ANKRD45: variants seen among roughly 807,000 people sequenced by gnomAD.
The protein encoded by ANKRD45 is ankyrin repeat domain-containing protein 45.
Under a neutral mutation model 28.1 loss-of-function variants are expected in ANKRD45, and 21 were observed. The ratio of observed to expected loss-of-function variants is 0.75; its 90% CI spans 0.53 to 1.08. The LOEUF is 1.08. Among genes scored for constraint, ANKRD45 ranks in the 50% least tolerant of loss-of-function variants. The pLI is 0.00. For synonymous variants in ANKRD45, 86 were observed against 103.9 expected (o/e 0.83, Z 1.05); for missense variants, 261 against 308.7 (o/e 0.85, Z 1.16).
the ANKRD45 span, among the ~76,000 whole-genome samples, chr1:173,712,834 AT>A: frequency 6.6e-6 from 1 of 152,228 alleles, no homozygotes; most frequent in Non-Finnish European, 1.5e-5. Flanking sequence ...AAATTTTACC[AT>A]GCACTATAAT....
the ANKRD45 span, among the ~76,000 whole-genome samples, chr1:173,708,292 T>C: frequency 3.9e-5 from 6 of 152,242 alleles, no homozygotes; most frequent in African/African-American, 1.2e-4. Context: ...TTAAGACATA[T>C]GGCTTTTGGG....
the ANKRD45 span, among the ~76,000 whole-genome samples, chr1:173,698,812 C>T: frequency 6.6e-6 from 1 of 151,346 alleles, no homozygotes; most frequent in Non-Finnish European, 1.5e-5. Flanking sequence ...CAAGAAATAA[C>T]TAAGGTCAGA....
rs1553264012 is a variant in ANKRD45, at chr1:173,612,303, A to AAGAAG, written c.731-2089_731-2088insCTTCT. ...AGGAAGGAAAGAAGGAAAGAAGGAA[A>AAGAAG]GAAGGAAGGAAGGAAAGAAGGAAGG... On this transcript the variant is annotated intron_variant, in intron 5 of 5. Transcript: ENST00000333279. Among the ~76,000 whole-genome samples the AAGAAG allele has an allele frequency of 5.9e-4, 67 of 114,462 alleles. 1 individual carries two copies. Among genetic ancestry groups the AAGAAG allele is most frequent in the African/African-American group, 2.3e-3 (58 of 25,342 alleles). 75.1% of individuals were successfully genotyped at this position (114,462 alleles called of 152,430 possible).
At chr1:173,613,364 C>T (rs1437739438) in intron 5 of ANKRD45, among the ~76,000 whole-genome samples, 5 of 151,988 alleles carry the variant, frequency 3.3e-5, no homozygotes, top group Non-Finnish European at 5.9e-5. Context: ...GCAGCCGCCC[C>T]GTCTGAGAAG....
intron 5 of ANKRD45, among the ~76,000 whole-genome samples, chr1:173,611,796 C>A (rs1033723991): frequency 3.9e-5 from 6 of 152,008 alleles, no homozygotes; most frequent in African/African-American, 1.4e-4. Flanking sequence ...TGAACTCAAT[C>A]CAAATAAAGT....
At chr1:173,615,159 G>A (rs757627715) in intron 5 of ANKRD45, among the ~76,000 whole-genome samples, 3 of 152,088 alleles carry the variant, frequency 2.0e-5, no homozygotes, top group East Asian at 1.9e-4. Flanking sequence ...GACCGGGCGC[G>A]GTGGCTCACA....
At chr1:173,671,550 C>T (rs980586198), upstream of ANKRD45, among the ~76,000 whole-genome samples, 7 of 151,990 alleles carry the variant, frequency 4.6e-5, no homozygotes, top group African/African-American at 1.2e-4. Flanking sequence ...GGAGAAGGGA[C>T]GCAAGACCCT....
At chr1:173,690,569 T>G in the ANKRD45 span, among the ~76,000 whole-genome samples, 1 of 152,206 alleles carries the variant, frequency 6.6e-6, no homozygotes, top group Admixed American at 6.5e-5. Context: ...GATTAGAAAC[T>G]GACACATTAC....
At chr1:173,710,348 A>G in the ANKRD45 span, among the ~76,000 whole-genome samples, 1 of 152,204 alleles carries the variant, frequency 6.6e-6, no homozygotes, top group Non-Finnish European at 1.5e-5. Flanking sequence ...CAAGTTTTAG[A>G]GCAGGAGTCA....
intron 3 of ANKRD45, among the ~76,000 whole-genome samples, chr1:173,643,298 C>G (rs1048802419): frequency 1.3e-5 from 2 of 151,460 alleles, no homozygotes; most frequent in Non-Finnish European, 2.9e-5. Context: ...CTCAGCCTCC[C>G]GAGTAGTTAG....
At chr1:173,697,451 G>A in the ANKRD45 span, among the ~76,000 whole-genome samples, 2 of 152,190 alleles carry the variant, frequency 1.3e-5, no homozygotes, top group Admixed American at 6.5e-5. Flanking sequence ...AGCCCATCAG[G>A]CTAACAGCGG....
At chr1:173,643,673 C>T (rs1221293806) in intron 3 of ANKRD45, among the ~76,000 whole-genome samples, 2 of 151,438 alleles carry the variant, frequency 1.3e-5, no homozygotes, top group African/African-American at 4.9e-5. Context: ...CTATGGTTAC[C>T]GTATTTTTCA....
At chr1:173,633,495 C>A (rs1220094826) in intron 3 of ANKRD45, among the ~76,000 whole-genome samples, 1 of 151,884 alleles carries the variant, frequency 6.6e-6, no homozygotes, top group Admixed American at 6.6e-5. Flanking sequence ...AAAAACAATA[C>A]TAAAATTTTT....
At chr1:173,637,590 C>G (rs1233931685) in intron 3 of ANKRD45, among the ~76,000 whole-genome samples, 1 of 152,144 alleles carries the variant, frequency 6.6e-6, no homozygotes, top group East Asian at 1.9e-4. Flanking sequence ...TTGGGAAGTT[C>G]TAAGTTGCTA....
intron 5 of ANKRD45, among the ~76,000 whole-genome samples, chr1:173,618,890 G>C (rs1667584728): frequency 6.6e-6 from 1 of 152,174 alleles, no homozygotes. Context: ...GCCAGACTGA[G>C]AGGCCACATC....
At chr1:173,665,920 G>A (rs1350441638) in intron 1 of ANKRD45, among the ~76,000 whole-genome samples, 2 of 151,960 alleles carry the variant, frequency 1.3e-5, no homozygotes, top group Non-Finnish European at 2.9e-5. Context: ...AGGTGGAGGT[G>A]AGAGAATCGC....
At chr1:173,626,609 C>T (rs1164678069) in intron 4 of ANKRD45, among the ~76,000 whole-genome samples, 1 of 152,074 alleles carries the variant, frequency 6.6e-6, no homozygotes, top group African/African-American at 2.4e-5. Flanking sequence ...GCTTCTGTCC[C>T]TCCCCATCCC....
chr1:173,655,257 G>T (rs538840024), intron 2 of ANKRD45, among the ~76,000 whole-genome samples: 1 of 152,262 alleles, frequency 6.6e-6, no homozygotes, highest in South Asian at 2.1e-4. Flanking sequence ...GTTTGACGTT[G>T]GTGACCTACA....
At chr1:173,658,571 C>T (rs1327602295) in intron 2 of ANKRD45, 7 of 151,776 alleles carry the variant, frequency 4.6e-5, no homozygotes, top group African/African-American at 1.7e-4. Context: ...TGCTGATGAT[C>T]TTTTTTTTAT....
Sources: gnomAD v4.1 joint callset for allele counts (sites outside exome capture counted in the v4.1 genomes callset) on GRCh38, gnomAD v4.1.1 for gene constraint, MANE v1.5 for transcripts, NCBI Gene and HGNC (gene_info 2026-07-23, HGNC 2026-07-21) for gene names.